Variants in KATNAL2 observed in about 807,000 individuals in gnomAD.
KATNAL2 encodes katanin catalytic subunit A1 like 2, also known as katanin p60 ATPase-containing subunit A-like 2.
KATNAL2 carries 52 observed loss-of-function variants against 76.3 expected under a neutral mutation model. That is an observed-to-expected ratio of 0.68 (90% CI 0.55 to 0.86). The LOEUF is 0.86. Ranked by LOEUF, KATNAL2 falls within the 40% of genes least tolerant of loss-of-function variation. The pLI, the probability that KATNAL2 is intolerant of heterozygous loss-of-function variation, is 0.00. For synonymous variants in KATNAL2, 243 were observed against 244.2 expected, an observed-to-expected ratio of 1.00 and a Z score of 0.05; for missense variants, 660 against 668.9, an observed-to-expected ratio of 0.99 and a Z score of 0.15.
chr18:47,036,840 C>A (rs941145273), intron 3 of KATNAL2, among the ~76,000 whole-genome samples: 7 of 152,278 alleles, frequency 4.6e-5, no homozygotes, highest in Admixed American at 2.0e-4. Context: ...AATGTCTTTT[C>A]TGGATCTGTA....
rs572321934 is a variant in KATNAL2 at position 46,938,355 on chromosome 18, A to G, written c.-509-7702A>G. 5.9e-5 allele frequency among the ~76,000 whole-genome samples: 9 copies of G among 152,284 alleles called. No homozygotes were observed. In the East Asian group the frequency reaches 1.5e-3, roughly 26 times the overall value. On this transcript the variant is annotated intron_variant, in intron 1 of 17. Coordinates refer to ENST00000683218, the MANE Select transcript of KATNAL2 (RefSeq NM_001387690.1). The stretch of plus-strand genomic sequence containing the variant: ...CAGCTGGTACCTCTGGGGGATGGGA[A>G]TAGGATCTGTAAAGGCTATTTTGGG...
chr18:47,101,861 G>A lies in KATNAL2; in HGVS notation c.*856G>A, dbSNP rs1011695082. 1 of 152,090 alleles carries A rather than the reference G, an allele frequency of 6.6e-6. No individual in the cohort carries two copies. Among genetic ancestry groups the A allele is most frequent in the Admixed American group, 6.5e-5 (1 of 15,272 alleles). The allele number at this position is 152,090 out of a possible 1,614,324, so 9.4% of individuals were successfully genotyped here. On this transcript the variant is annotated 3_prime_UTR_variant, in exon 18 of 18. Coordinates refer to ENST00000683218, the MANE Select transcript of KATNAL2 (RefSeq NM_001387690.1). ...CTCCTTAAGGGGTTATAAACAACTA[G>A]ACGCATCTCTCTCAGAAACCCACAA...
chr18:46,959,427 G>A (rs1373456795), intron 3 of KATNAL2, among the ~76,000 whole-genome samples: 3 of 152,078 alleles, frequency 2.0e-5, no homozygotes, highest in African/African-American at 7.2e-5. Flanking sequence ...CCTGGAACAT[G>A]TTGCTAATGC....
chr18:46,924,786 G>A (rs895221606), intron 1 of KATNAL2, among the ~76,000 whole-genome samples: 1 of 152,098 alleles, frequency 6.6e-6, no homozygotes, highest in Non-Finnish European at 1.5e-5. Flanking sequence ...TTGAAGAGGT[G>A]CTTCACATCC....
At chr18:46,967,512 C>T (rs1311244401) in intron 3 of KATNAL2, among the ~76,000 whole-genome samples, 3 of 111,176 alleles carry the variant, frequency 2.7e-5, no homozygotes, top group South Asian at 5.1e-4. Flanking sequence ...TGCGCGCGCG[C>T]GTCCGTGTGC....
chr18:46,952,035 A>T (rs1024830605), intron 3 of KATNAL2, among the ~76,000 whole-genome samples: 1 of 151,898 alleles, frequency 6.6e-6, no homozygotes, highest in Middle Eastern at 3.2e-3. Context: ...GACCTCCCAA[A>T]GTGCTGGGAT....
intron 3 of KATNAL2, among the ~76,000 whole-genome samples, chr18:46,956,988 A>G (rs1422943905): frequency 1.3e-5 from 2 of 149,746 alleles, no homozygotes; most frequent in Non-Finnish European, 3.0e-5. Flanking sequence ...GTTTGCGGTG[A>G]GCCAAGATCA....
At chr18:46,929,523 A>G (rs2058840345) in intron 1 of KATNAL2, among the ~76,000 whole-genome samples, 1 of 151,932 alleles carries the variant, frequency 6.6e-6, no homozygotes, top group Non-Finnish European at 1.5e-5. Context: ...GATTGCAGGC[A>G]TGGGCTATCA....
chr18:47,067,713 T>A (rs2061856962), intron 11 of KATNAL2, among the ~76,000 whole-genome samples: 1 of 152,240 alleles, frequency 6.6e-6, no homozygotes, highest in African/African-American at 2.4e-5. Context: ...AATGAGGAGA[T>A]AAGTGATAAC....
At chr18:46,956,755 T>C (rs757704352) in intron 3 of KATNAL2, among the ~76,000 whole-genome samples, 1 of 152,088 alleles carries the variant, frequency 6.6e-6, no homozygotes, top group African/African-American at 2.4e-5. Context: ...AAAATTCATA[T>C]GATGAGGCCA....
chr18:47,042,545 T>TA (rs754731884), intron 3 of KATNAL2, among the ~76,000 whole-genome samples: 8 of 151,742 alleles, frequency 5.3e-5, no homozygotes, highest in Non-Finnish European at 1.2e-4. Context: ...GATAATACTC[T>TA]AAAAAACAAG....
intron 3 of KATNAL2, among the ~76,000 whole-genome samples, chr18:47,035,869 T>A (rs745642124): frequency 6.6e-6 from 1 of 152,166 alleles, no homozygotes; most frequent in African/African-American, 2.4e-5. Context: ...GACAAAATCA[T>A]AGAAAGAAGA....
intron 6 of KATNAL2, among the ~76,000 whole-genome samples, chr18:47,057,971 C>G (rs1220919742): frequency 6.6e-6 from 1 of 152,028 alleles, no homozygotes. Flanking sequence ...AGGGCCGAAG[C>G]TATGTGGTGT....
At chr18:47,090,777 A>C (rs1016345563) in intron 15 of KATNAL2, among the ~76,000 whole-genome samples, 5 of 152,174 alleles carry the variant, frequency 3.3e-5, no homozygotes, top group African/African-American at 1.2e-4. Flanking sequence ...AGGATGGCAA[A>C]AAGTGGATTC....
At position 47,067,111 on chromosome 18, in the gene KATNAL2, C is replaced by CCAG; in HGVS notation, c.818_819insAGC (p.Pro273_Ile274insAla). ...GTTAGTCAAAGAAGCTGTTGTGTATCCTATAAGGGTAAGGACGGGAAGCCT... is the reference window on the plus strand; with the variant it reads ...GTTAGTCAAAGAAGCTGTTGTGTATCCAGCTATAAGGGTAAGGACGGGAAGCCT... On this transcript the variant is annotated inframe_insertion, in exon 11 of 18. Transcript: ENST00000683218. 1 of 1,550,912 alleles carries CCAG rather than the reference C, an allele frequency of 6.4e-7. No homozygotes were observed.
chr18:46,948,539 C>T (rs2146679562), intron 3 of KATNAL2, among the ~76,000 whole-genome samples: 1 of 151,824 alleles, frequency 6.6e-6, no homozygotes, highest in East Asian at 1.9e-4. Flanking sequence ...ATTCTCCTGC[C>T]TCAGCCTCCC....
Position 47,046,528 on chromosome 18 carries a change from G to C in KATNAL2, c.122+1G>C. Reference sequence around the variant, plus strand: ...TTTCGCATTATTTAACACAAGAAGGGTATGTTACAGTACAAACATTTATAG... The same window carrying C: ...TTTCGCATTATTTAACACAAGAAGGCTATGTTACAGTACAAACATTTATAG... On this transcript the variant is annotated splice_donor_variant, in intron 4 of 17. Coordinates refer to ENST00000683218, the MANE Select transcript of KATNAL2 (RefSeq NM_001387690.1). LOFTEE classifies it high-confidence loss of function. The C allele has an allele frequency of 2.6e-6, 4 of 1,522,872 alleles. No homozygotes were observed. The East Asian group carries it at 7.3e-5, about 28-fold the overall frequency. 94.3% of individuals were successfully genotyped at this position (1,522,872 alleles called of 1,614,324 possible). A position where few individuals can be genotyped will look rare whatever the true frequency, so the allele number is the denominator to read the frequency against.
chr18:47,100,367 G>A lies in KATNAL2; in HGVS notation c.1477+11G>A, dbSNP rs751000289. On this transcript the variant is annotated intron_variant, in intron 17 of 17. Transcript: ENST00000683218. Reference sequence around the variant, plus strand: ...AAAATCACCAGTCAGGTATGGGTTGGATCACCATGAAGGTGTTCCAGGAAT... The same window carrying A: ...AAAATCACCAGTCAGGTATGGGTTGAATCACCATGAAGGTGTTCCAGGAAT... The A allele has an allele frequency of 1.4e-5, 23 of 1,604,788 alleles. No individual in the cohort carries two copies. The highest frequency in any genetic ancestry group is 1.9e-5 in the Non-Finnish European group (22 of 1,171,774).
chr18:47,032,068 T>G (rs962271139), intron 3 of KATNAL2, among the ~76,000 whole-genome samples: 7 of 152,216 alleles, frequency 4.6e-5, no homozygotes, highest in African/African-American at 1.7e-4. Context: ...ATTGGCCTCT[T>G]TAGACTTCTT....
Sources: allele counts gnomAD v4.1 joint callset (sites outside exome capture counted in the v4.1 genomes callset), GRCh38; gene constraint gnomAD v4.1.1; transcripts MANE v1.5; gene names NCBI Gene and HGNC (gene_info 2026-07-23, HGNC 2026-07-21).